MCMDC2: variants seen among roughly 807,000 people sequenced by gnomAD.
MCMDC2 encodes the protein minichromosome maintenance domain-containing protein 2.
MCMDC2 carries 54 observed loss-of-function variants against 75.8 expected under a neutral mutation model. The ratio of observed to expected loss-of-function variants is 0.71; its 90% confidence interval spans 0.57 to 0.89. The LOEUF is 0.89. Among genes scored for constraint, MCMDC2 ranks in the 40% least tolerant of loss-of-function variants. MCMDC2 has a pLI of 0.00. For missense variants in MCMDC2, 656 were observed against 780.4 expected, an observed-to-expected ratio of 0.84 and a Z score of 1.90; for synonymous variants, 249 against 274.6, an observed-to-expected ratio of 0.91 and a Z score of 0.92.
chr8:66,896,665 A>ATAAATAATAACT, intron 11 of MCMDC2, 115 bp from the exon 12 acceptor site: 2 of 740,722 alleles, frequency 2.7e-6, no homozygotes, highest in Non-Finnish European at 1.9e-6. Context: ...AATTAATATG[A>ATAAATAATAACT]TAAATAATAA....
intron 10 of MCMDC2, among the ~76,000 whole-genome samples, chr8:66,892,322 C>A (rs1812146561): frequency 6.6e-6 from 1 of 152,176 alleles, no homozygotes; most frequent in African/African-American, 2.4e-5. Flanking sequence ...GTGTTACAGC[C>A]CTTTTTGCTC....
chr8:66,882,180 T>TA (rs1811610097), intron 8 of MCMDC2, among the ~76,000 whole-genome samples: 2 of 152,056 alleles, frequency 1.3e-5, no homozygotes, highest in South Asian at 4.1e-4. Context: ...TAGGAATTGA[T>TA]ATAAGGACAG....
At chr8:66,883,272 T>TATTCC (rs1811678951) in intron 8 of MCMDC2, among the ~76,000 whole-genome samples, 1 of 152,338 alleles carries the variant, frequency 6.6e-6, no homozygotes, top group Non-Finnish European at 1.5e-5. Context: ...TTCTGCTTAT[T>TATTCC]ATTCCTCTCT....
chr8:66,895,250 G>T (rs1178525404), intron 10 of MCMDC2, among the ~76,000 whole-genome samples: 1 of 152,078 alleles, frequency 6.6e-6, no homozygotes, highest in Non-Finnish European at 1.5e-5. Flanking sequence ...TTTCATCAGT[G>T]GTTGGTTGAA....
At chr8:66,881,462 G>A (rs899652821) in intron 8 of MCMDC2, among the ~76,000 whole-genome samples, 2 of 152,212 alleles carry the variant, frequency 1.3e-5, no homozygotes, top group East Asian at 3.9e-4. Context: ...GCCGAGGCAG[G>A]CAGATCACGA....
In MCMDC2 at chr8:66,883,883, T is replaced by A. The variant is rs1168095235; in HGVS notation, c.962T>A (p.Leu321Ter). The A allele has an allele frequency of 6.2e-7, 1 of 1,614,082 alleles. No individual in the cohort carries two copies. The highest frequency in any genetic ancestry group is 8.5e-7 in the Non-Finnish European group (1 of 1,179,978). Reference sequence around the variant, plus strand: ...ATTACCCCTCCTGGGACTTACAATTTGCTCAAGCTCTGTTTGTTGATGAGT... The same window carrying A: ...ATTACCCCTCCTGGGACTTACAATTAGCTCAAGCTCTGTTTGTTGATGAGT... ...SQITPPGTYN[L>*]LKLCLLMSLV... The change falls in exon 9 of 15, where the codon TTG (leucine) becomes TAG (stop). Residue 321 changes from leucine (L) to a stop codon, truncating the protein, a stop_gained. Coordinates refer to ENST00000422365, the MANE Select transcript of MCMDC2 (RefSeq NM_173518.5). LOFTEE classifies it high-confidence loss of function.
At chr8:66,899,877 T>C (rs1024821154) in intron 12 of MCMDC2, among the ~76,000 whole-genome samples, 36 of 151,694 alleles carry the variant, frequency 2.4e-4, no homozygotes, top group African/African-American at 8.7e-4. Context: ...ATCCCAGCAC[T>C]CTGGGAGGCT....
chr8:66,889,696 G>A (rs576720405), intron 9 of MCMDC2, among the ~76,000 whole-genome samples: 1 of 152,330 alleles, frequency 6.6e-6, no homozygotes, highest in East Asian at 1.9e-4. Context: ...CTACTTGGGA[G>A]GCTGAGGAAG....
rs1813514143 is a variant in MCMDC2 at position 66,921,181 on chromosome 8, C to T, written c.*2012C>T. 6.6e-6 allele frequency: 1 copy of T among 151,924 alleles called. No homozygotes were observed. The highest frequency in any genetic ancestry group is 2.4e-5 in the African/African-American group (1 of 41,342). 9.4% of individuals were successfully genotyped at this position (151,924 alleles called of 1,614,324 possible). On this transcript the variant is annotated 3_prime_UTR_variant, in exon 15 of 15. Coordinates refer to ENST00000422365, the MANE Select transcript of MCMDC2 (RefSeq NM_173518.5). ...AAGAGTAGAAGTGTACATTCAGAAA[C>T]AATTATGGGAGGTAATTCATTAATA...
intron 8 of MCMDC2, among the ~76,000 whole-genome samples, chr8:66,883,435 T>C (rs907554976): frequency 6.6e-6 from 1 of 152,160 alleles, no homozygotes; most frequent in African/African-American, 2.4e-5. Flanking sequence ...TTCTTCCTTC[T>C]ATTACGTTCC....
At chr8:66,873,527 A>G (rs548160228) in intron 1 of MCMDC2, among the ~76,000 whole-genome samples, 1 of 152,300 alleles carries the variant, frequency 6.6e-6, no homozygotes, top group Non-Finnish European at 1.5e-5. Context: ...ACCTCTGTTA[A>G]GAGACATTTG....
chr8:66,889,354 G>C (rs1266967782), intron 9 of MCMDC2, among the ~76,000 whole-genome samples: 2 of 152,210 alleles, frequency 1.3e-5, no homozygotes, highest in African/African-American at 2.4e-5. Flanking sequence ...CCATGAGACA[G>C]GCAGGTGCCT....
intron 14 of MCMDC2, among the ~76,000 whole-genome samples, chr8:66,905,605 T>C (rs554552117): frequency 6.6e-6 from 1 of 152,314 alleles, no homozygotes; most frequent in African/African-American, 2.4e-5. Context: ...AAAAAGTACT[T>C]ACTACAACAC....
chr8:66,879,035 C>A, intron 7 of MCMDC2, 116 bp downstream of exon 7: 1 of 673,636 alleles, frequency 1.5e-6, no homozygotes. Context: ...GTGGGAGGAT[C>A]ACTTGAGGCC....
chr8:66,884,193 A>C (rs1811726416), intron 9 of MCMDC2, 199 bp downstream of exon 9: 1 of 573,448 alleles, frequency 1.7e-6, no homozygotes, highest in Non-Finnish European at 3.1e-6. Context: ...CCAATTTTCA[A>C]CCTATTTCCC....
intron 4 of MCMDC2, 81 bp downstream of exon 4, chr8:66,874,667 CTTTTTA>C: frequency 8.1e-6 from 10 of 1,227,326 alleles, no homozygotes; most frequent in Non-Finnish European, 1.1e-5. Context: ...TATTCATAGA[CTTTTTA>C]TTTAAAAGGA....
intron 14 of MCMDC2, among the ~76,000 whole-genome samples, chr8:66,916,719 AGACC>A: frequency 6.6e-6 from 1 of 152,176 alleles, no homozygotes; most frequent in Non-Finnish European, 1.5e-5. Flanking sequence ...GGGTCTCTGT[AGACC>A]TGAAACATTT....
Position 66,880,966 on chromosome 8 carries a change from A to T in MCMDC2, c.827A>T (p.Asn276Ile). The change falls in exon 8 of 15, where the codon AAT becomes ATT. Residue 276 changes from asparagine to isoleucine, a missense_variant. By Grantham distance (149) the Asn-to-Ile change is moderately radical. Coordinates refer to ENST00000422365, the MANE Select transcript of MCMDC2 (RefSeq NM_173518.5). ...GAAGCAAATAGCATAACTTTTTGTAATTCAAAAGGTAAGGAAAATTTTAGT... is the reference window on the plus strand; with the variant it reads ...GAAGCAAATAGCATAACTTTTTGTATTTCAAAAGGTAAGGAAAATTTTAGT... ...CIEANSITFCNSKVPSGISDN... is the reference protein window; with the variant it reads ...CIEANSITFCISKVPSGISDN... 6.6e-7 allele frequency: 1 copy of T among 1,509,784 alleles called. No individual in the cohort carries two copies. Among genetic ancestry groups the T allele is most frequent in the African/African-American group, 1.4e-5 (1 of 70,684 alleles). 93.5% of individuals were successfully genotyped at this position (1,509,784 alleles called of 1,614,324 possible).
intron 6 of MCMDC2, 38 bp downstream of exon 6, chr8:66,878,734 A>T (rs768819633): frequency 1.4e-6 from 2 of 1,480,664 alleles, no homozygotes; most frequent in Admixed American, 2.2e-5. Flanking sequence ...TAATTTTTAA[A>T]ATAGTGTCTG....
Sources: gnomAD v4.1 joint callset for allele counts (sites outside exome capture counted in the v4.1 genomes callset) on GRCh38, gnomAD v4.1.1 for gene constraint, MANE v1.5 for transcripts, NCBI Gene and HGNC (gene_info 2026-07-23, HGNC 2026-07-21) for gene names.